Variants in CTNNA3 observed in about 807,000 individuals in gnomAD.
CTNNA3 encodes catenin alpha 3.
CTNNA3 carries 76 observed loss-of-function variants against 95.7 expected under a neutral mutation model. That is an observed-to-expected ratio of 0.79 (90% CI 0.66 to 0.96). The LOEUF (loss-of-function observed/expected upper bound fraction) is 0.96, where lower values mean the gene tolerates loss of function less well. Ranked by LOEUF, CTNNA3 falls within the 40% of genes least tolerant of loss-of-function variation. CTNNA3 has a pLI of 0.00. For synonymous variants in CTNNA3, 431 were observed against 374.4 expected (o/e 1.15, Z -1.74); for missense variants, 1,191 against 1,089.8 (o/e 1.09, Z -1.31).
intron 7 of CTNNA3, among the ~76,000 whole-genome samples, chr10:67,065,460 A>G (rs1409779730): frequency 6.6e-6 from 1 of 152,214 alleles, no homozygotes; most frequent in Non-Finnish European, 1.5e-5. Context: ...AGAAAATAAA[A>G]TAAATATTGA....
intron 10 of CTNNA3, among the ~76,000 whole-genome samples, chr10:66,537,173 T>G (rs1246784641): frequency 6.6e-6 from 1 of 152,136 alleles, no homozygotes; most frequent in Non-Finnish European, 1.5e-5. Context: ...GACAAATAGT[T>G]ATAAAAACAA....
chr10:67,389,965 C>A (rs1844384758), intron 5 of CTNNA3, among the ~76,000 whole-genome samples: 1 of 150,052 alleles, frequency 6.7e-6, no homozygotes, highest in African/African-American at 2.4e-5. Context: ...AGGAAAGATC[C>A]AAAATTGACA....
At chr10:66,411,105 T>C (rs755884203) in intron 11 of CTNNA3, among the ~76,000 whole-genome samples, 11 of 152,230 alleles carry the variant, frequency 7.2e-5, no homozygotes, top group Non-Finnish European at 1.6e-4. Flanking sequence ...TCCTATTTGC[T>C]AACAGTGTTT....
At chr10:66,431,211 A>T (rs1356219343) in intron 11 of CTNNA3, among the ~76,000 whole-genome samples, 1 of 152,198 alleles carries the variant, frequency 6.6e-6, no homozygotes, top group Non-Finnish European at 1.5e-5. Flanking sequence ...GTCTCACACC[A>T]GTTAGAATGG....
At chr10:66,622,317 C>T (rs1287665233) in intron 9 of CTNNA3, among the ~76,000 whole-genome samples, 7 of 152,142 alleles carry the variant, frequency 4.6e-5, no homozygotes, top group Admixed American at 4.6e-4. Context: ...TCCACTACAA[C>T]TTCATGGGCA....
At chr10:67,535,816 C>T (rs76269383) in intron 4 of CTNNA3, among the ~76,000 whole-genome samples, 4 of 151,530 alleles carry the variant, frequency 2.6e-5, no homozygotes, top group African/African-American at 4.9e-5. Flanking sequence ...CTGAAGGAAA[C>T]GAAGGTTTGA....
intron 7 of CTNNA3, among the ~76,000 whole-genome samples, chr10:66,858,245 A>G (rs1042907477): frequency 1.3e-5 from 2 of 152,072 alleles, no homozygotes; most frequent in African/African-American, 4.8e-5. Flanking sequence ...CATCCCAGGG[A>G]TAATGCCTGC....
intron 7 of CTNNA3, among the ~76,000 whole-genome samples, chr10:66,796,767 A>G (rs1349578960): frequency 6.6e-6 from 1 of 152,068 alleles, no homozygotes; most frequent in South Asian, 2.1e-4. Flanking sequence ...GAATAAATCA[A>G]TAAGTGAATA....
intron 12 of CTNNA3, among the ~76,000 whole-genome samples, chr10:66,345,369 A>G (rs984238987): frequency 6.6e-6 from 1 of 152,166 alleles, no homozygotes; most frequent in Non-Finnish European, 1.5e-5. Context: ...TTTCAAACAT[A>G]AAAATGCTCA....
At chr10:66,902,835 T>A (rs1201810630) in intron 7 of CTNNA3, among the ~76,000 whole-genome samples, 1 of 152,138 alleles carries the variant, frequency 6.6e-6, no homozygotes, top group Non-Finnish European at 1.5e-5. Context: ...TAGGAAGAAG[T>A]TAAATCTCTG....
intron 7 of CTNNA3, among the ~76,000 whole-genome samples, chr10:67,043,513 G>A (rs1415787815): frequency 6.6e-6 from 1 of 151,980 alleles, no homozygotes; most frequent in Non-Finnish European, 1.5e-5. Context: ...TCTAGTATAG[G>A]GTTTATTTCA....
At chr10:66,336,862 T>C (rs2092403085) in intron 12 of CTNNA3, among the ~76,000 whole-genome samples, 1 of 152,116 alleles carries the variant, frequency 6.6e-6, no homozygotes, top group Non-Finnish European at 1.5e-5. Context: ...TCAGAAGATC[T>C]GTAAAGTCAA....
At chr10:66,629,987 G>A (rs947209738) in intron 9 of CTNNA3, among the ~76,000 whole-genome samples, 1 of 152,102 alleles carries the variant, frequency 6.6e-6, no homozygotes, top group South Asian at 2.1e-4. Context: ...TTCCTTCAGA[G>A]CATGATTCTC....
intron 1 of CTNNA3, among the ~76,000 whole-genome samples, chr10:67,677,097 C>T (rs1035255376): frequency 1.3e-5 from 2 of 152,124 alleles, no homozygotes; most frequent in Admixed American, 1.3e-4. Flanking sequence ...CCTCCAGTCT[C>T]CCCAGTGTTG....
At chr10:67,045,417 TTTGTTGTTGTTGTTTG>T (rs1354309359) in intron 7 of CTNNA3, among the ~76,000 whole-genome samples, 2 of 152,140 alleles carry the variant, frequency 1.3e-5, no homozygotes, top group Non-Finnish European at 2.9e-5. Flanking sequence ...TGTTGGTTTT[TTTGTTGTTGTTGTTTG>T]TTGTTGTTGT....
intron 16 of CTNNA3, among the ~76,000 whole-genome samples, chr10:65,967,243 A>G (rs1241095226): frequency 6.6e-6 from 1 of 152,138 alleles, no homozygotes; most frequent in Non-Finnish European, 1.5e-5. Flanking sequence ...GGCGTGAGCC[A>G]CCACACCTGG....
chr10:66,881,193 A>G (rs4142041), intron 7 of CTNNA3, among the ~76,000 whole-genome samples: 48,011 of 152,052 alleles, frequency 0.32, 9,145 homozygotes, highest in South Asian at 0.5. Context: ...CAACATAAGA[A>G]ACAGTTTATA....
Position 66,458,146 on chromosome 10 carries a change from C to T in CTNNA3, c.1531+62471G>A, listed in dbSNP as rs189001696. On this transcript the variant is annotated intron_variant, in intron 11 of 17. Transcript: ENST00000433211. ...ACCTTAGGGAGTGAAAAATGTTGATCACACAAAACAATTGTATGTCAATGT... is the reference window on the plus strand; with the variant it reads ...ACCTTAGGGAGTGAAAAATGTTGATTACACAAAACAATTGTATGTCAATGT... Among the ~76,000 whole-genome samples the T allele has an allele frequency of 3.0e-3, 458 of 152,256 alleles. 1 individual carries two copies. The highest frequency in any genetic ancestry group is 0.01 in the African/African-American group (432 of 41,574).
intron 13 of CTNNA3, among the ~76,000 whole-genome samples, chr10:66,218,375 A>G (rs1364071814): frequency 1.3e-5 from 2 of 152,164 alleles, no homozygotes; most frequent in Non-Finnish European, 2.9e-5. Flanking sequence ...ATTAGGTTGT[A>G]AAAGACTGTG....
Sources: gnomAD v4.1 joint callset for allele counts (sites outside exome capture counted in the v4.1 genomes callset) on GRCh38, gnomAD v4.1.1 for gene constraint, MANE v1.5 for transcripts, NCBI Gene and HGNC (gene_info 2026-07-23, HGNC 2026-07-21) for gene names.